Variants in LMO7 observed in about 807,000 individuals in gnomAD.
The protein encoded by LMO7 is LIM domain 7, also known as LIM domain only protein 7.
A neutral mutation model predicts 206.5 loss-of-function variants in LMO7; 120 were observed. The ratio of observed to expected loss-of-function variants is 0.58; its 90% CI spans 0.50 to 0.68. The LOEUF (loss-of-function observed/expected upper bound fraction) is 0.68. Among genes scored for constraint, LMO7 ranks in the 30% least tolerant of loss-of-function variants. The pLI, the probability that LMO7 is intolerant of heterozygous loss-of-function variation, is 0.00. For synonymous variants in LMO7, 706 were observed against 681.5 expected, an observed-to-expected ratio of 1.04 and a Z score of -0.56; for missense variants, 1,959 against 1,957.9, an observed-to-expected ratio of 1.00 and a Z score of -0.01.
intron 1 of LMO7, among the ~76,000 whole-genome samples, chr13:75,660,495 G>C (rs2038479143): frequency 6.6e-6 from 1 of 152,070 alleles, no homozygotes; most frequent in Non-Finnish European, 1.5e-5. Context: ...CCTCCTTCTT[G>C]TTTCTTGGTT....
chr13:75,840,605 T>A, intron 22 of LMO7, 110 bp downstream of exon 22: 1 of 1,285,548 alleles, frequency 7.8e-7, no homozygotes, highest in Non-Finnish European at 1.1e-6. Context: ...ATCTCACAAC[T>A]AACAAATATT....
At position 75,807,659 on chromosome 13, in the gene LMO7, A is replaced by T. The variant is rs752195114; in HGVS notation, c.1376A>T (p.Glu459Val). 6.2e-7 allele frequency: 1 copy of T among 1,613,912 alleles called. No individual in the cohort carries two copies. The highest frequency in any genetic ancestry group is 1.3e-5 in the African/African-American group (1 of 74,934). Residue 459 changes from glutamate (E) to valine (V), a missense_variant, in exon 10 of 31, where the codon GAG (glutamate) becomes GTG (valine). By Grantham distance (121) the Glu-to-Val change is moderately radical (BLOSUM62 -2). Coordinates refer to ENST00000377534, the MANE Select transcript of LMO7 (RefSeq NM_001306080.2). ...ATGGCAGCCCTGGATCCTGACTTAG[A>T]GAATGATGATTTCTTTGTCAGAAAG... The part of the protein sequence containing the change: ...LEMAALDPDL[E>V]NDDFFVRKTG...
intron 2 of LMO7, among the ~76,000 whole-genome samples, chr13:75,723,627 C>T (rs760046254): frequency 9.2e-5 from 14 of 152,126 alleles, no homozygotes; most frequent in Non-Finnish European, 1.9e-4. Flanking sequence ...GCTTTATATA[C>T]AGTTTTCTGA....
At position 75,858,291 on chromosome 13, in the gene LMO7, G is replaced by C. The variant is rs1378781863; in HGVS notation, c.*348G>C. On this transcript the variant is annotated 3_prime_UTR_variant, in exon 31 of 31. Coordinates refer to ENST00000377534, the MANE Select transcript of LMO7 (RefSeq NM_001306080.2). ...GGTGTTTTGAAGAGGGTATTTTATT[G>C]TTTTTTAAAAAAAGGTTCTTAAACA... The C allele has an allele frequency of 9.1e-6, 2 of 220,530 alleles. No individual in the cohort carries two copies. The highest frequency in any genetic ancestry group is 4.6e-5 in the African/African-American group (2 of 43,778). The allele number at this position is 220,530 out of a possible 1,614,324, so 13.7% of individuals were successfully genotyped here.
chr13:75,728,081 A>G (rs1169752240), intron 3 of LMO7, among the ~76,000 whole-genome samples: 1 of 151,874 alleles, frequency 6.6e-6, no homozygotes. Flanking sequence ...TGCCGCAATA[A>G]ACACATGTGC....
chr13:75,835,466 T>C, intron 18 of LMO7, 127 bp downstream of exon 18: 1 of 574,880 alleles, frequency 1.7e-6, no homozygotes, highest in Non-Finnish European at 2.9e-6. Context: ...AATGATTGAA[T>C]AATGTAAATT....
At chr13:75,818,078 G>T (rs985558197) in intron 12 of LMO7, among the ~76,000 whole-genome samples, 3 of 152,142 alleles carry the variant, frequency 2.0e-5, no homozygotes, top group Non-Finnish European at 2.9e-5. Flanking sequence ...AGAAACCCCT[G>T]CTCTGGCTAC....
Position 75,664,986 on chromosome 13 carries a change from C to A in LMO7, c.69+28260C>A, listed in dbSNP as rs1299307425. Among the ~76,000 whole-genome samples the A allele has an allele frequency of 3.3e-5, 5 of 151,934 alleles. No individual in the cohort carries two copies. The South Asian group carries it at 8.3e-4, about 25-fold the overall frequency. ...CATTTATATAATTATTCCTAAGGAGCCTTAAAGGTGGTAAAAATGTGCTTT... is the reference window on the plus strand; with the variant it reads ...CATTTATATAATTATTCCTAAGGAGACTTAAAGGTGGTAAAAATGTGCTTT... On this transcript the variant is annotated intron_variant, in intron 1 of 30. Coordinates refer to ENST00000377534, the MANE Select transcript of LMO7 (RefSeq NM_001306080.2).
chr13:75,812,569 A>G (rs1384935730), intron 11 of LMO7, among the ~76,000 whole-genome samples: 1 of 152,104 alleles, frequency 6.6e-6, no homozygotes, highest in Non-Finnish European at 1.5e-5. Flanking sequence ...AAGTTCCTGA[A>G]AGTGAGTTCT....
rs190904929 is a variant in LMO7, at chr13:75,805,136, A to G, written c.915-343A>G. The G allele has an allele frequency of 8.0e-4, 880 of 1,098,930 alleles. 2 individuals are homozygous for G. Among genetic ancestry groups the G allele is most frequent in the Non-Finnish European group, 9.1e-4 (823 of 903,486 alleles). 68.1% of individuals were successfully genotyped at this position (1,098,930 alleles called of 1,614,324 possible). ...CTGCTGATATGTTTGCCATGGGGCTATATGGACTGACGAGGTCAGAAATAC... is the reference window on the plus strand; with the variant it reads ...CTGCTGATATGTTTGCCATGGGGCTGTATGGACTGACGAGGTCAGAAATAC... On this transcript the variant is annotated intron_variant, in intron 8 of 30. Transcript: ENST00000377534.
At chr13:75,642,044 G>A (rs1044934832) in intron 1 of LMO7, among the ~76,000 whole-genome samples, 1 of 152,190 alleles carries the variant, frequency 6.6e-6, no homozygotes, top group African/African-American at 2.4e-5. Flanking sequence ...CTAGAAAAGA[G>A]AGGGGTGGCA....
At chr13:75,784,364 C>T (rs1454071326) in intron 4 of LMO7, among the ~76,000 whole-genome samples, 1 of 152,048 alleles carries the variant, frequency 6.6e-6, no homozygotes, top group East Asian at 1.9e-4. Flanking sequence ...ATATTTAGGA[C>T]TAGAGTGATT....
intron 4 of LMO7, among the ~76,000 whole-genome samples, chr13:75,775,775 G>C (rs2140152483): frequency 6.6e-6 from 1 of 151,978 alleles, no homozygotes; most frequent in South Asian, 2.1e-4. Context: ...AGTCAGAATG[G>C]CTATTATTAA....
chr13:75,703,388 T>G (rs1010014541), intron 1 of LMO7, among the ~76,000 whole-genome samples: 1 of 152,088 alleles, frequency 6.6e-6, no homozygotes, highest in Non-Finnish European at 1.5e-5. Context: ...AGTCACTAAT[T>G]ACAGTTTAGA....
chr13:75,645,514 AAAAT>A (rs1310876058), intron 1 of LMO7, among the ~76,000 whole-genome samples: 3 of 152,296 alleles, frequency 2.0e-5, no homozygotes, highest in East Asian at 3.9e-4. Flanking sequence ...CCCTATCTCA[AAAAT>A]AAATAAATAA....
At chr13:75,653,478 A>G (rs1292014603) in intron 1 of LMO7, among the ~76,000 whole-genome samples, 1 of 152,268 alleles carries the variant, frequency 6.6e-6, no homozygotes, top group Non-Finnish European at 1.5e-5. Context: ...GTGCCAAACC[A>G]TACAGCACCA....
At chr13:75,624,398 G>T (rs1357381296) in intron 2 of LMO7, among the ~76,000 whole-genome samples, 1 of 152,124 alleles carries the variant, frequency 6.6e-6, no homozygotes, top group Admixed American at 6.5e-5. Flanking sequence ...TCATTTGTAG[G>T]AGAGAGCACC....
At chr13:75,641,858 C>T (rs566223674) in intron 1 of LMO7, among the ~76,000 whole-genome samples, 1 of 151,446 alleles carries the variant, frequency 6.6e-6, no homozygotes, top group South Asian at 2.1e-4. Flanking sequence ...CAGGGTTTCA[C>T]TGTATTGCTC....
At position 75,842,084 on chromosome 13, in the gene LMO7, C is replaced by A. The variant is rs374354733; in HGVS notation, c.4031+101C>A. On this transcript the variant is annotated intron_variant, in intron 24 of 30. Coordinates refer to ENST00000377534, the MANE Select transcript of LMO7 (RefSeq NM_001306080.2). Reference sequence around the variant, plus strand: ...CCTGTTTCCTACCACCCATTCTCCACACAAGTGAATACAAGCCACCAAAGA... The same window carrying A: ...CCTGTTTCCTACCACCCATTCTCCAAACAAGTGAATACAAGCCACCAAAGA... The A allele has an allele frequency of 5.0e-5, 42 of 846,032 alleles. No individual in the cohort carries two copies. The South Asian group carries it at 6.6e-4, about 13-fold the overall frequency. The allele number at this position is 846,032 out of a possible 1,614,324, so 52.4% of individuals were successfully genotyped here.
Sources: allele counts gnomAD v4.1 joint callset (sites outside exome capture counted in the v4.1 genomes callset), GRCh38; gene constraint gnomAD v4.1.1; transcripts MANE v1.5; gene names NCBI Gene and HGNC (gene_info 2026-07-23, HGNC 2026-07-21).